The following COG3 variants were observed in gnomAD, a reference collection of about 807,000 sequenced individuals.
COG3 encodes conserved oligomeric Golgi complex subunit 3.
A neutral mutation model predicts 114.1 loss-of-function variants in COG3; 32 were observed. That is an observed-to-expected ratio of 0.28 (90% confidence interval 0.21 to 0.38). The LOEUF is 0.38. COG3 is among the 10% of genes least tolerant of loss of function. The pLI, the probability that COG3 is intolerant of heterozygous loss-of-function variation, is 1.00. For synonymous variants in COG3, 352 were observed against 365.7 expected (o/e 0.96, Z 0.43); for missense variants, 813 against 973.2 (o/e 0.84, Z 2.19).
At chr13:45,492,280 C>G in intron 11 of COG3, 30 bp downstream of exon 11, 1 of 1,341,338 alleles carries the variant, frequency 7.5e-7, no homozygotes, top group South Asian at 1.2e-5. Flanking sequence ...AACTCTTGTT[C>G]ATAAAATTTA....
intron 17 of COG3, among the ~76,000 whole-genome samples, chr13:45,517,089 C>T (rs899517985): frequency 2.6e-5 from 4 of 151,978 alleles, no homozygotes; most frequent in Non-Finnish European, 5.9e-5. Flanking sequence ...CATACACATC[C>T]CTCATGTCCC....
intron 20 of COG3, among the ~76,000 whole-genome samples, chr13:45,527,364 A>G (rs1872785575): frequency 6.6e-6 from 1 of 152,224 alleles, no homozygotes; most frequent in Non-Finnish European, 1.5e-5. Flanking sequence ...CTTAGTGAAT[A>G]TAGCAATGAC....
intron 1 of COG3, among the ~76,000 whole-genome samples, chr13:45,474,160 T>C (rs1195921662): frequency 7.2e-6 from 1 of 138,580 alleles, no homozygotes; most frequent in African/African-American, 2.8e-5. Flanking sequence ...TCTTTTTTTT[T>C]TTTTTTTTTT....
At chr13:45,531,122 T>G (rs1873132592) in intron 22 of COG3, 2 of 967,552 alleles carry the variant, frequency 2.1e-6, no homozygotes, top group Admixed American at 5.5e-5. Flanking sequence ...GAAATACATT[T>G]TTTAAAAAAA....
chr13:45,488,619 AG>A (rs775977009), intron 8 of COG3, among the ~76,000 whole-genome samples: 21 of 152,096 alleles, frequency 1.4e-4, no homozygotes, highest in Non-Finnish European at 1.2e-4. Context: ...AGGTGAGATT[AG>A]GGGGTGAATT....
chr13:45,486,339 C>CGGGAGACGGGAGAGGGAGAGGGAGA (rs1555295083), intron 7 of COG3, among the ~76,000 whole-genome samples, 156 bp from the exon 8 acceptor site: 13 of 55,216 alleles, frequency 2.4e-4, no homozygotes, highest in African/African-American at 1.1e-3. Flanking sequence ...AGACGGGAGA[C>CGGGAGACGGGAGAGGGAGAGGGAGA]GGGAGAGGGA....
chr13:45,486,453 G>A (rs761798451), intron 7 of COG3, 42 bp from the exon 8 acceptor site: 1 of 1,229,002 alleles, frequency 8.1e-7, no homozygotes, highest in Non-Finnish European at 1.2e-6. Context: ...TTATTTGTTT[G>A]CTAATTATCT....
chr13:45,503,501 C>T (rs1424798025), intron 14 of COG3, 152 bp downstream of exon 14: 2 of 582,538 alleles, frequency 3.4e-6, no homozygotes, highest in Non-Finnish European at 6.2e-6. Flanking sequence ...AGACAGAATT[C>T]AGTGGTGAGT....
At chr13:45,523,204 T>G (rs1238476655) in intron 19 of COG3, among the ~76,000 whole-genome samples, 1 of 151,958 alleles carries the variant, frequency 6.6e-6, no homozygotes, top group African/African-American at 2.4e-5. Context: ...GACTTATATA[T>G]AGAAAATATT....
chr13:45,481,251 G>C lies in COG3; in HGVS notation c.571G>C (p.Glu191Gln). The C allele has an allele frequency of 1.3e-6, 2 of 1,596,708 alleles. No homozygotes were observed. Among genetic ancestry groups the C allele is most frequent in the Non-Finnish European group, 1.7e-6 (2 of 1,166,554 alleles). The change falls in exon 5 of 23, where the codon GAA becomes CAA. Residue 191 changes from glutamate to glutamine, a missense_variant. Glu to Gln is a conservative substitution (Grantham distance 29). Coordinates refer to ENST00000349995, the MANE Select transcript of COG3 (RefSeq NM_031431.4). ...CAAGTCGGAACTTGTTGATCTGGCTGAAAACATTCAACAAAAGCTTTCCTA... is the reference window on the plus strand; with the variant it reads ...CAAGTCGGAACTTGTTGATCTGGCTCAAAACATTCAACAAAAGCTTTCCTA... ...KEQSELVDLA[E>Q]NIQQKLSYFN...
intron 7 of COG3, among the ~76,000 whole-genome samples, 170 bp from the exon 8 acceptor site, chr13:45,486,324 AC>A (rs377431601): frequency 0.016 from 678 of 42,938 alleles, 43 homozygotes; most frequent in African/African-American, 0.056. Flanking sequence ...GAGACGGGAG[AC>A]GGGAGACGGG....
chr13:45,532,206 A>G (rs1450531459), intron 22 of COG3: 2 of 152,150 alleles, frequency 1.3e-5, no homozygotes, highest in Non-Finnish European at 2.9e-5. Context: ...ATGGCTGTAT[A>G]TATTCCTTTA....
chr13:45,508,377 T>C (rs1870443409), intron 14 of COG3, among the ~76,000 whole-genome samples: 1 of 59,128 alleles, frequency 1.7e-5, no homozygotes, highest in Non-Finnish European at 3.6e-5. Flanking sequence ...TTATTTTTTA[T>C]ATATATTTTT....
intron 7 of COG3, 33 bp from the exon 8 acceptor site, chr13:45,486,462 C>T (rs1886676750): frequency 7.7e-7 from 1 of 1,302,166 alleles, no homozygotes; most frequent in Non-Finnish European, 1.1e-6. Flanking sequence ...TGCTAATTAT[C>T]TTCCTTCCTT....
At chr13:45,481,660 T>C (rs34436430) in intron 5 of COG3, among the ~76,000 whole-genome samples, 11,963 of 152,254 alleles carry the variant, frequency 0.079, 551 homozygotes, top group African/African-American at 0.11. Flanking sequence ...TTAAAACTTA[T>C]TCTCATGTTT....
chr13:45,470,448 G>A (rs1468266550), intron 1 of COG3, among the ~76,000 whole-genome samples: 1 of 152,146 alleles, frequency 6.6e-6, no homozygotes, highest in African/African-American at 2.4e-5. Context: ...CTTTTTATCT[G>A]GAATTTGTTA....
Position 45,536,621 on chromosome 13 carries a change from T to A in COG3, c.*1890T>A, listed in dbSNP as rs1873561341. 6.6e-6 allele frequency: 1 copy of A among 152,248 alleles called. No homozygotes were observed. The highest frequency in any genetic ancestry group is 2.4e-5 in the African/African-American group (1 of 41,474). The allele number at this position is 152,248 out of a possible 1,614,324, so 9.4% of individuals were successfully genotyped here. ...TTTTTTAAAAATAAAGATTTTTGCTTCCTACCTTGTCCTCACGTGTCTGAT... is the reference window on the plus strand; with the variant it reads ...TTTTTTAAAAATAAAGATTTTTGCTACCTACCTTGTCCTCACGTGTCTGAT... On this transcript the variant is annotated 3_prime_UTR_variant, in exon 23 of 23. Coordinates refer to ENST00000349995, the MANE Select transcript of COG3 (RefSeq NM_031431.4).
intron 22 of COG3, among the ~76,000 whole-genome samples, chr13:45,531,515 G>C (rs201916812): frequency 3.7e-5 from 5 of 133,884 alleles, no homozygotes; most frequent in Non-Finnish European, 6.6e-5. Flanking sequence ...TTTTTGTTTT[G>C]TTTTGTTTTG....
chr13:45,493,427 T>G lies in COG3; in HGVS notation c.1268T>G (p.Leu423Arg), dbSNP rs781412515. The change falls in exon 12 of 23, where the codon CTG becomes CGG. Residue 423 changes from leucine to arginine, a missense_variant. Transcript: ENST00000349995. ...LIIHVIHLETLSELCGILKNE... is the reference protein window; with the variant it reads ...LIIHVIHLETRSELCGILKNE... ...ATTCATGTTATTCACTTAGAGACTC[T>G]GTCGGAACTTTGTGGGATTCTTAAA... is the stretch of plus-strand genomic sequence containing the variant. The G allele has an allele frequency of 6.2e-7, 1 of 1,613,362 alleles. No individual in the cohort carries two copies. Among genetic ancestry groups the G allele is most frequent in the Admixed American group, 1.7e-5 (1 of 60,018 alleles).
Sources: gnomAD v4.1 joint callset for allele counts (sites outside exome capture counted in the v4.1 genomes callset) on GRCh38, gnomAD v4.1.1 for gene constraint, MANE v1.5 for transcripts, NCBI Gene and HGNC (gene_info 2026-07-23, HGNC 2026-07-21) for gene names.